Variants in TLCD4 observed in about 807,000 individuals in gnomAD.
The protein encoded by TLCD4 is TLC domain-containing protein 4.
TLCD4 carries 7 observed loss-of-function variants against 24.2 expected under a neutral mutation model. The observed-to-expected ratio is 0.29, with a 90% CI of 0.16 to 0.54. The LOEUF (loss-of-function observed/expected upper bound fraction) is 0.54. Ranked by LOEUF, TLCD4 falls within the 20% of genes least tolerant of loss-of-function variation. The pLI, the probability that TLCD4 is intolerant of heterozygous loss-of-function variation, is 0.95. For synonymous variants in TLCD4, 103 were observed against 106.4 expected (o/e 0.97, Z 0.20); for missense variants, 259 against 313.9 (o/e 0.82, Z 1.32).
the TLCD4 span, among the ~76,000 whole-genome samples, chr1:95,104,590 C>T: frequency 1.1e-4 from 16 of 143,786 alleles, no homozygotes; most frequent in Admixed American, 9.6e-4. Context: ...GCATGAACTC[C>T]GGGGGGCGGA....
At chr1:95,117,119 GT>G (rs2100893090), upstream of TLCD4, among the ~76,000 whole-genome samples, 1 of 152,326 alleles carries the variant, frequency 6.6e-6, no homozygotes, top group South Asian at 2.1e-4. Context: ...CCGCTGGCAA[GT>G]TTTGTGACTT....
intron 5 of TLCD4, among the ~76,000 whole-genome samples, chr1:95,158,831 C>A (rs913421719): frequency 2.0e-5 from 3 of 152,152 alleles, no homozygotes; most frequent in Non-Finnish European, 2.9e-5. Context: ...CTACAGAGGA[C>A]ATGAACTCAT....
chr1:95,166,659 T>A (rs1489742363), intron 5 of TLCD4, among the ~76,000 whole-genome samples: 1 of 152,150 alleles, frequency 6.6e-6, no homozygotes, highest in Non-Finnish European at 1.5e-5. Flanking sequence ...TAACTAGGTG[T>A]GAATGATTGC....
At position 95,185,582 on chromosome 1, in the gene TLCD4, T is replaced by G. The variant is rs190133788; in HGVS notation, c.474-5968T>G. On this transcript the variant is annotated intron_variant, in intron 6 of 6. Transcript: ENST00000370203. ...TTGCGACAGCAAGTCCAACTCCTTC[T>G]CTTACTCAAGGCTAGTTAACGTGAA... Among the ~76,000 whole-genome samples, 560 of 152,336 alleles carry G rather than the reference T, an allele frequency of 3.7e-3. 4 individuals are homozygous for G. Among genetic ancestry groups the G allele is most frequent in the Non-Finnish European group, 4.1e-3 (280 of 68,040 alleles).
intron 2 of TLCD4, among the ~76,000 whole-genome samples, chr1:95,145,198 C>G (rs1677312484): frequency 6.6e-6 from 1 of 152,176 alleles, no homozygotes; most frequent in Non-Finnish European, 1.5e-5. Context: ...GAAGTTAATA[C>G]TAACCATAAA....
At chr1:95,183,034 G>A (rs531118243) in intron 6 of TLCD4, among the ~76,000 whole-genome samples, 24 of 152,302 alleles carry the variant, frequency 1.6e-4, no homozygotes, top group African/African-American at 5.8e-4. Flanking sequence ...AGTAGACAGT[G>A]AGATTATAGT....
chr1:95,181,249 A>G (rs1678631319), intron 6 of TLCD4, among the ~76,000 whole-genome samples: 1 of 152,050 alleles, frequency 6.6e-6, no homozygotes, highest in African/African-American at 2.4e-5. Context: ...CATTTTTGCA[A>G]ATCTCTTTAA....
At chr1:95,187,853 A>G (rs1361474798) in intron 6 of TLCD4, among the ~76,000 whole-genome samples, 2 of 151,010 alleles carry the variant, frequency 1.3e-5, no homozygotes, top group African/African-American at 4.9e-5. Flanking sequence ...AGGTGCCTGC[A>G]GGGTTGGTTC....
At chr1:95,186,445 G>C (rs1391014712) in intron 6 of TLCD4, among the ~76,000 whole-genome samples, 2 of 152,162 alleles carry the variant, frequency 1.3e-5, no homozygotes, top group Admixed American at 1.3e-4. Context: ...AAGTTAACTT[G>C]GAGTTTGGAT....
At chr1:95,115,728 T>TA (rs1463059276), upstream of TLCD4, among the ~76,000 whole-genome samples, 1 of 152,164 alleles carries the variant, frequency 6.6e-6, no homozygotes, top group Non-Finnish European at 1.5e-5. Flanking sequence ...CTGTTGGTGT[T>TA]AGAGAATTAT....
At chr1:95,115,092 A>ATG (rs1676405064), upstream of TLCD4, among the ~76,000 whole-genome samples, 1 of 147,372 alleles carries the variant, frequency 6.8e-6, no homozygotes, top group African/African-American at 2.5e-5. Context: ...TACACATTAT[A>ATG]TATATATATA....
the TLCD4 span, among the ~76,000 whole-genome samples, chr1:95,104,246 C>G: frequency 6.6e-6 from 1 of 152,166 alleles, no homozygotes; most frequent in African/African-American, 2.4e-5. Flanking sequence ...ACAATGGGAA[C>G]ACTTAGATAG....
At chr1:95,165,184 A>G (rs1459447448) in intron 5 of TLCD4, 1 of 152,190 alleles carries the variant, frequency 6.6e-6, no homozygotes, top group Admixed American at 6.5e-5. Flanking sequence ...GCTGCAGCAT[A>G]TCCTCAAATG....
At chr1:95,104,344 A>C in the TLCD4 span, among the ~76,000 whole-genome samples, 2 of 152,182 alleles carry the variant, frequency 1.3e-5, no homozygotes, top group Non-Finnish European at 2.9e-5. Context: ...CGAACCCATC[A>C]TAAATGGAAA....
chr1:95,106,167 CT>C, the TLCD4 span, among the ~76,000 whole-genome samples: 4 of 152,104 alleles, frequency 2.6e-5, no homozygotes, highest in African/African-American at 9.7e-5. Flanking sequence ...CAATTTCTAT[CT>C]ATAAATGTTA....
chr1:95,162,328 G>C (rs1364871955), intron 5 of TLCD4, among the ~76,000 whole-genome samples: 1 of 136,196 alleles, frequency 7.3e-6, no homozygotes, highest in African/African-American at 2.4e-5. Context: ...TGCAACCCCT[G>C]CTTTTTTTTG....
the TLCD4 span, among the ~76,000 whole-genome samples, chr1:95,104,021 T>C: frequency 1.1e-4 from 17 of 152,294 alleles, no homozygotes; most frequent in Non-Finnish European, 2.4e-4. Context: ...TAGAGGATTT[T>C]ATCAACAAAC....
At chr1:95,180,672 G>A (rs1024775911) in intron 6 of TLCD4, among the ~76,000 whole-genome samples, 1 of 152,076 alleles carries the variant, frequency 6.6e-6, no homozygotes, top group Non-Finnish European at 1.5e-5. Flanking sequence ...TAATTTAATG[G>A]TGCTAATTTC....
At chr1:95,179,742 GTGACACAGAAAGC>G (rs1375445748) in intron 6 of TLCD4, among the ~76,000 whole-genome samples, 3 of 152,144 alleles carry the variant, frequency 2.0e-5, no homozygotes, top group African/African-American at 7.2e-5. Context: ...GCTCTTCAGT[GTGACACAGAAAGC>G]TCTGCAAGAA....
Sources: allele counts gnomAD v4.1 joint callset (sites outside exome capture counted in the v4.1 genomes callset), GRCh38; gene constraint gnomAD v4.1.1; transcripts MANE v1.5; gene names NCBI Gene and HGNC (gene_info 2026-07-23, HGNC 2026-07-21).